Variants in NSD2 observed in about 807,000 individuals in gnomAD.
NSD2 encodes the protein histone-lysine N-methyltransferase NSD2.
NSD2 carries 12 observed loss-of-function variants against 139.0 expected under a neutral mutation model. That is an observed-to-expected ratio of 0.09 (90% CI 0.06 to 0.14). The LOEUF is 0.14. Ranked by LOEUF, NSD2 falls within the 10% of genes least tolerant of loss-of-function variation. The probability of loss-of-function intolerance (pLI) is 1.00; values close to 1 mark genes in which losing one functional copy is unlikely to be tolerated. For missense variants in NSD2, 1,155 were observed against 1,745.0 expected, an observed-to-expected ratio of 0.66 and a Z score of 6.02; for synonymous variants, 669 against 648.7, an observed-to-expected ratio of 1.03 and a Z score of -0.48.
At position 1,948,319 on chromosome 4, in the gene NSD2, ATGT is replaced by A. The variant is rs1294250212; in HGVS notation, c.1882-2749_1882-2747del. 5.3e-5 allele frequency: 56 copies of A among 1,065,636 alleles called. No individual in the cohort carries two copies. Among genetic ancestry groups the A allele is most frequent in the Non-Finnish European group, 6.1e-5 (54 of 878,600 alleles). The allele number at this position is 1,065,636 out of a possible 1,614,324, so 66.0% of individuals were successfully genotyped here. A position where few individuals can be genotyped will look rare whatever the true frequency, so the allele number is the denominator to read the frequency against. ...TCGTTGGATATGGAATAGATCGTAG[ATGT>A]TGTAGACTGAGATTTGGGACTATGT... is the stretch of plus-strand genomic sequence containing the variant. On this transcript the variant is annotated intron_variant, in intron 9 of 21. Transcript: ENST00000508803. This position sits in a 1 kb window ranked among gnomAD's most constrained non-coding sequence, Gnocchi z 4.5.
intron 18 of NSD2, 116 bp downstream of exon 18, chr4:1,961,267 T>G: frequency 1.3e-6 from 1 of 796,182 alleles, no homozygotes; most frequent in Non-Finnish European, 2.0e-6. Flanking sequence ...CCTTAGCTGC[T>G]TATTTTCAAA....
intron 1 of NSD2, among the ~76,000 whole-genome samples, chr4:1,872,635 AGC>A (rs1553856500): frequency 0.03 from 3,573 of 119,710 alleles, 333 homozygotes; most frequent in Middle Eastern, 0.05. Context: ...AGAGAGAGAG[AGC>A]GCGCAGACCC....
chr4:1,921,838 C>T lies in NSD2; in HGVS notation c.1410+3215C>T, dbSNP rs138167863. Among the ~76,000 whole-genome samples the T allele has an allele frequency of 2.8e-4, 42 of 148,930 alleles. 1 individual carries two copies. In the East Asian group the frequency reaches 8.1e-3, roughly 29 times the overall value. On this transcript the variant is annotated intron_variant, in intron 5 of 21. Transcript: ENST00000508803. ...AAACCATTTTTCACCATTTAATAAA[C>T]GTTGTACGGAAAATAGTAGCCAATA... is the stretch of plus-strand genomic sequence containing the variant.
intron 18 of NSD2, among the ~76,000 whole-genome samples, chr4:1,967,975 T>G (rs1164187846): frequency 3.9e-5 from 6 of 152,166 alleles, no homozygotes; most frequent in African/African-American, 1.4e-4. Flanking sequence ...CTGGGAAATT[T>G]CAGTTCTTTG....
At position 1,955,309 on chromosome 4, in the gene NSD2, C is replaced by A. The variant is rs767973030; in HGVS notation, c.2487C>A (p.Val829=). Residue 829 remains valine (V), a synonymous_variant, in exon 13 of 22, where the codon GTC becomes GTA. Coordinates refer to ENST00000508803, the MANE Select transcript of NSD2 (RefSeq NM_001042424.3). The surrounding 1 kb of genome is among the most constrained non-coding windows in gnomAD (Gnocchi z 4.7). ...AGGGGAAGCGACACCACGCCCACGTCAACGTGAGCTGGTGCTTCGTGTGCT... is the reference window on the plus strand; with the variant it reads ...AGGGGAAGCGACACCACGCCCACGTAAACGTGAGCTGGTGCTTCGTGTGCT... ...ARKGKRHHAH[V]NVSWCFVCSK... is the part of the protein sequence containing the mutation. 1.2e-6 allele frequency: 2 copies of A among 1,613,644 alleles called. No homozygotes were observed. The highest frequency in any genetic ancestry group is 1.7e-6 in the Non-Finnish European group (2 of 1,179,848).
At chr4:1,934,057 A>G (rs1722004548) in intron 6 of NSD2, among the ~76,000 whole-genome samples, 1 of 151,740 alleles carries the variant, frequency 6.6e-6, no homozygotes, top group Admixed American at 6.6e-5. Context: ...CAAGTCTTTG[A>G]ATGTTAGTAA....
chr4:1,901,003 A>G lies in NSD2; in HGVS notation c.349A>G (p.Ile117Val), dbSNP rs775593120. Residue 117 changes from isoleucine to valine, a missense_variant, in exon 2 of 22, where the codon ATC (isoleucine) becomes GTC (valine). By Grantham distance (29) the Ile-to-Val change is conservative (BLOSUM62 3). Transcript: ENST00000508803. ...GIGTPPNTTP[I>V]KNGSPEIKLK... ...TGGGACACCCCCTAACACTACCCCT[A>G]TCAAAAATGGCTCTCCAGAAATTAA... 9 of 1,614,082 alleles carry G rather than the reference A, an allele frequency of 5.6e-6. No homozygotes were observed. The Admixed American group carries it at 1.3e-4, about 24-fold the overall frequency.
chr4:1,955,697 G>A lies in NSD2; in HGVS notation c.2523G>A (p.Gly841=), dbSNP rs1459240037. 1.9e-6 allele frequency: 3 copies of A among 1,612,402 alleles called. No individual in the cohort carries two copies. Among genetic ancestry groups the A allele is most frequent in the African/African-American group, 1.3e-5 (1 of 75,030 alleles). ...CGCCTCGCCCTCCTCTTGCAGGGGG[G>A]AGCCTTCTGTGCTGTGAGTCCTGCC... is the stretch of plus-strand genomic sequence containing the variant. ...VSWCFVCSKG[G]SLLCCESCPA... is the part of the protein sequence containing the mutation. Residue 841 remains glycine, a synonymous_variant, in exon 14 of 22, where the codon GGG becomes GGA. Transcript: ENST00000508803. This position sits in a 1 kb window ranked among gnomAD's most constrained non-coding sequence, Gnocchi z 4.7.
chr4:1,926,576 T>C (rs1402506710), intron 5 of NSD2, among the ~76,000 whole-genome samples: 1 of 151,988 alleles, frequency 6.6e-6, no homozygotes, highest in African/African-American at 2.4e-5. Context: ...GTTCAAGCGA[T>C]CCTCCCCCCT....
At position 1,958,232 on chromosome 4, in the gene NSD2, G is replaced by A. The variant is rs142143853; in HGVS notation, c.2985+196G>A. Among the ~76,000 whole-genome samples the A allele has an allele frequency of 5.4e-3, 827 of 152,308 alleles. 4 individuals are homozygous for A. Among genetic ancestry groups the A allele is most frequent in the African/African-American group, 0.019 (795 of 41,564 alleles). ...GATCTGCATGGGGGTTCTTGGATCC[G>A]CCTTGGAGTGTGAGGCTTGGCTTGG... is the stretch of plus-strand genomic sequence containing the variant. On this transcript the variant is annotated intron_variant, in intron 16 of 21. Coordinates refer to ENST00000508803, the MANE Select transcript of NSD2 (RefSeq NM_001042424.3). This position sits in a 1 kb window ranked among gnomAD's most constrained non-coding sequence, Gnocchi z 4.6.
In NSD2 at chr4:1,959,632, C is replaced by A; in HGVS notation, c.3147C>A (p.Gly1049=). ...FECHPQVCPA[G]EFCQNQCFTK... ...GCCACCCGCAGGTGTGTCCCGCGGGCGAGTTCTGCCAGAACCAGTGCTTCA... is the reference window on the plus strand; with the variant it reads ...GCCACCCGCAGGTGTGTCCCGCGGGAGAGTTCTGCCAGAACCAGTGCTTCA... Residue 1049 remains glycine (G), a synonymous_variant, in exon 17 of 22, where the codon GGC becomes GGA. Coordinates refer to ENST00000508803, the MANE Select transcript of NSD2 (RefSeq NM_001042424.3). 6.2e-7 allele frequency: 1 copy of A among 1,614,106 alleles called. No individual in the cohort carries two copies. The highest frequency in any genetic ancestry group is 1.1e-5 in the South Asian group (1 of 91,076).
At chr4:1,893,475 A>T (rs1415106627) in intron 1 of NSD2, among the ~76,000 whole-genome samples, 1 of 152,240 alleles carries the variant, frequency 6.6e-6, no homozygotes, top group African/African-American at 2.4e-5. Flanking sequence ...TTTCAATAAA[A>T]AAATAAATAA....
rs562824105 is a variant in NSD2 at position 1,945,781 on chromosome 4, G to T, written c.1882-5291G>T. ...CAGTCACTGCGTCTGGGCCTGAGAC[G>T]TGCATGGAGGGCTGTAAAGCCACGG... On this transcript the variant is annotated intron_variant, in intron 9 of 21. Transcript: ENST00000508803. 6.4e-5 allele frequency: 68 copies of T among 1,064,342 alleles called. No individual in the cohort carries two copies. In the South Asian group the frequency reaches 2.9e-3, roughly 45 times the overall value. 65.9% of individuals were successfully genotyped at this position (1,064,342 alleles called of 1,614,324 possible).
chr4:1,964,604 C>CA, intron 18 of NSD2, among the ~76,000 whole-genome samples: 1 of 152,240 alleles, frequency 6.6e-6, no homozygotes, highest in South Asian at 2.1e-4. Flanking sequence ...CTTCTGATCA[C>CA]AGAGGTGCAG....
chr4:1,916,132 C>T (rs904659764), intron 3 of NSD2, among the ~76,000 whole-genome samples: 1 of 152,052 alleles, frequency 6.6e-6, no homozygotes, highest in African/African-American at 2.4e-5. Context: ...ATGCTCCTGT[C>T]ACTCTAGCAC....
rs898717135 is a variant in NSD2 at position 1,935,819 on chromosome 4, C to G, written c.1674+557C>G. On this transcript the variant is annotated intron_variant, in intron 7 of 21. Coordinates refer to ENST00000508803, the MANE Select transcript of NSD2 (RefSeq NM_001042424.3). Reference sequence around the variant, plus strand: ...GAGGTTGCTGTGAGCTGAGATCATGCCACTGCACTCCAGCCTGGGCGACAC... The same window carrying G: ...GAGGTTGCTGTGAGCTGAGATCATGGCACTGCACTCCAGCCTGGGCGACAC... Among the ~76,000 whole-genome samples the G allele has an allele frequency of 2.0e-5, 3 of 152,016 alleles. No homozygotes were observed. In the East Asian group the frequency reaches 5.8e-4, roughly 29 times the overall value.
intron 1 of NSD2, among the ~76,000 whole-genome samples, chr4:1,897,454 GC>G (rs912517876): frequency 5.3e-5 from 8 of 151,990 alleles, no homozygotes; most frequent in African/African-American, 1.9e-4. Context: ...CCATTGCCCT[GC>G]ACTCCAGCTT....
intron 9 of NSD2, chr4:1,946,871 G>A (rs1723689904): frequency 9.4e-7 from 1 of 1,058,794 alleles, no homozygotes; most frequent in African/African-American, 1.6e-5. Context: ...GGATACCTTT[G>A]AACTCCATGG....
chr4:1,901,399 G>C, intron 2 of NSD2, 148 bp downstream of exon 2: 2 of 718,740 alleles, frequency 2.8e-6, no homozygotes, highest in Non-Finnish European at 2.2e-6. Flanking sequence ...CCCTGGCTTT[G>C]GGTTGGAGGG....
Sources: gnomAD v4.1 joint callset for allele counts (sites outside exome capture counted in the v4.1 genomes callset) on GRCh38, gnomAD v4.1.1 for gene constraint, Gnocchi (gnomAD v3.1) non-coding constraint, MANE v1.5 for transcripts, NCBI Gene and HGNC (gene_info 2026-07-23, HGNC 2026-07-21) for gene names.